Variants in ZNF536 observed in about 807,000 individuals in gnomAD.
The protein encoded by ZNF536 is zinc finger protein 536.
ZNF536 carries 13 observed loss-of-function variants against 84.5 expected under a neutral mutation model. That is an observed-to-expected ratio of 0.15 (90% CI 0.10 to 0.24). The LOEUF is 0.24. ZNF536 is among the 10% of genes least tolerant of loss of function. ZNF536 has a pLI of 1.00. For synonymous variants in ZNF536, 811 were observed against 742.5 expected, an observed-to-expected ratio of 1.09 and a Z score of -1.50; for missense variants, 1,536 against 1,747.5, an observed-to-expected ratio of 0.88 and a Z score of 2.16.
At chr19:30,509,788 C>G (rs2055335312) in intron 2 of ZNF536, among the ~76,000 whole-genome samples, 1 of 152,190 alleles carries the variant, frequency 6.6e-6, no homozygotes, top group South Asian at 2.1e-4. Context: ...CTTGTTCACC[C>G]TACATATCTG....
At chr19:30,547,810 A>C in intron 3 of ZNF536, 133 bp from the exon 4 acceptor site, 1 of 1,045,388 alleles carries the variant, frequency 9.6e-7, no homozygotes, top group Non-Finnish European at 1.3e-6. Flanking sequence ...TTCTTCTATT[A>C]AAAAACAGTT....
chr19:30,355,576 GA>G (rs942268056), intron 3 of ZNF536, among the ~76,000 whole-genome samples: 1 of 151,906 alleles, frequency 6.6e-6, no homozygotes, highest in African/African-American at 2.4e-5. Context: ...TTTTTGTATA[GA>G]TGTGGTTTTG....
chr19:30,423,947 GA>G (rs1192554575), intron 1 of ZNF536, among the ~76,000 whole-genome samples: 1 of 152,112 alleles, frequency 6.6e-6, no homozygotes, highest in Non-Finnish European at 1.5e-5. Flanking sequence ...ATGGTGTCTT[GA>G]AAAAAAGACA....
intron 1 of ZNF536, among the ~76,000 whole-genome samples, chr19:30,612,417 C>G (rs528463610): frequency 6.6e-6 from 1 of 152,172 alleles, no homozygotes; most frequent in South Asian, 2.1e-4. Flanking sequence ...ACCTCTTTAC[C>G]AACCAGAGGA....
intron 1 of ZNF536, among the ~76,000 whole-genome samples, chr19:30,396,791 G>T (rs957666549): frequency 1.3e-5 from 2 of 152,060 alleles, no homozygotes; most frequent in African/African-American, 4.8e-5. Flanking sequence ...TTTTAGTAGA[G>T]ACGGGGTTTC....
chr19:30,230,293 G>C (rs113940806), intron 1 of ZNF536, among the ~76,000 whole-genome samples: 2,520 of 152,334 alleles, frequency 0.017, 53 homozygotes, highest in African/African-American at 0.057. Context: ...TGCAGGGAAA[G>C]TCTCTAAAAT....
At chr19:30,463,906 C>T (rs2053269410) in intron 2 of ZNF536, among the ~76,000 whole-genome samples, 1 of 151,956 alleles carries the variant, frequency 6.6e-6, no homozygotes, top group Non-Finnish European at 1.5e-5. Context: ...TCCTCGGGAC[C>T]CCCTCTCAGG....
chr19:30,392,432 G>A (rs772298582), intron 1 of ZNF536, among the ~76,000 whole-genome samples: 1 of 152,150 alleles, frequency 6.6e-6, no homozygotes, highest in Admixed American at 6.5e-5. Flanking sequence ...GCCAGAGAAG[G>A]GTTGGAAGGG....
chr19:30,244,083 A>G (rs1308335106), intron 1 of ZNF536, among the ~76,000 whole-genome samples: 1 of 152,192 alleles, frequency 6.6e-6, no homozygotes, highest in Non-Finnish European at 1.5e-5. Context: ...GTCTTCTTTT[A>G]GAAGAATCTA....
intron 2 of ZNF536, among the ~76,000 whole-genome samples, chr19:30,510,276 C>T (rs1470371021): frequency 6.6e-6 from 1 of 152,142 alleles, no homozygotes; most frequent in East Asian, 1.9e-4. Context: ...ATATACAATT[C>T]AAAATGTACT....
At chr19:30,568,066 GA>G (rs1442064241) in intron 1 of ZNF536, among the ~76,000 whole-genome samples, 10 of 152,188 alleles carry the variant, frequency 6.6e-5, no homozygotes, top group African/African-American at 1.9e-4. Flanking sequence ...CAGTCTGAAG[GA>G]AACCGCAGAT....
chr19:30,563,749 C>A (rs2058714746), intron 1 of ZNF536, among the ~76,000 whole-genome samples: 1 of 152,180 alleles, frequency 6.6e-6, no homozygotes, highest in African/African-American at 2.4e-5. Flanking sequence ...GTTTGCCAGG[C>A]AGGCTGACCT....
At chr19:30,446,248 C>CAAAAAAAAA (rs1177505634) in intron 2 of ZNF536, among the ~76,000 whole-genome samples, 369 of 28,680 alleles carry the variant, frequency 0.013, 3 homozygotes, top group Non-Finnish European at 0.016. Context: ...GACACTGTCT[C>CAAAAAAAAA]AAAAAAAAAA....
At chr19:30,522,637 T>A (rs1331475182) in intron 2 of ZNF536, among the ~76,000 whole-genome samples, 2 of 152,114 alleles carry the variant, frequency 1.3e-5, no homozygotes, top group African/African-American at 4.8e-5. Flanking sequence ...GCTTTTCAGA[T>A]GCAAAAACGT....
At chr19:30,602,423 A>G (rs753774698) in intron 1 of ZNF536, among the ~76,000 whole-genome samples, 5 of 152,214 alleles carry the variant, frequency 3.3e-5, no homozygotes, top group Admixed American at 1.3e-4. Flanking sequence ...TGCTGCGTGG[A>G]TACAACCCCA....
intron 2 of ZNF536, among the ~76,000 whole-genome samples, chr19:30,285,160 T>G (rs1436939723): frequency 1.3e-5 from 2 of 152,260 alleles, no homozygotes; most frequent in Non-Finnish European, 2.9e-5. Flanking sequence ...GTAAAACATG[T>G]ACCAACACCC....
intron 2 of ZNF536, among the ~76,000 whole-genome samples, chr19:30,484,699 G>A (rs959630561): frequency 1.2e-5 from 1 of 85,606 alleles, no homozygotes; most frequent in Non-Finnish European, 2.7e-5. Flanking sequence ...TTTTTTTTTT[G>A]TCTTCTCTTG....
intron 1 of ZNF536, among the ~76,000 whole-genome samples, chr19:30,384,677 C>G: frequency 6.6e-6 from 1 of 151,978 alleles, no homozygotes. Flanking sequence ...TTCTTGCACC[C>G]TGAGGGTTGA....
downstream of ZNF536, chr19:30,713,573 A>C (rs1336342117): frequency 6.6e-6 from 1 of 152,224 alleles, no homozygotes; most frequent in Non-Finnish European, 1.5e-5. Context: ...TTAGAATAAA[A>C]TGTCTTTGAA....
Sources: gnomAD v4.1 joint callset for allele counts (sites outside exome capture counted in the v4.1 genomes callset) on GRCh38, gnomAD v4.1.1 for gene constraint, MANE v1.5 for transcripts, NCBI Gene and HGNC (gene_info 2026-07-23, HGNC 2026-07-21) for gene names.